The following ALOXE3 variants were observed in gnomAD, a reference collection of about 807,000 sequenced individuals.
ALOXE3 encodes arachidonate epidermal lipoxygenase 3.
Under a neutral mutation model 87.5 loss-of-function variants are expected in ALOXE3, and 78 were observed. The ratio of observed to expected loss-of-function variants is 0.89; its 90% CI spans 0.74 to 1.08. The LOEUF is 1.08. Among genes scored for constraint, ALOXE3 ranks in the 50% least tolerant of loss-of-function variants. ALOXE3 has a pLI of 0.00. For synonymous variants in ALOXE3, 363 were observed against 370.8 expected (o/e 0.98, Z 0.24); for missense variants, 946 against 912.4 (o/e 1.04, Z -0.47).
intron 13 of ALOXE3, among the ~76,000 whole-genome samples, chr17:8,104,893 C>T (rs1257796768): frequency 6.6e-6 from 1 of 151,958 alleles, no homozygotes; most frequent in Non-Finnish European, 1.5e-5. Flanking sequence ...TCATGCTGTG[C>T]CTCACTCATC....
At chr17:8,101,031 GTTT>G (rs57348893) in intron 15 of ALOXE3, among the ~76,000 whole-genome samples, 4 of 140,084 alleles carry the variant, frequency 2.9e-5, no homozygotes, top group East Asian at 2.0e-4. Context: ...CTTTTTTTTT[GTTT>G]TTTTTTTTTT....
chr17:8,109,674 G>A (rs1222012984), intron 11 of ALOXE3, among the ~76,000 whole-genome samples: 1 of 151,650 alleles, frequency 6.6e-6, no homozygotes, highest in African/African-American at 2.4e-5. Context: ...CGGGGCTGGG[G>A]GCGGTGGGCG....
At position 8,109,962 on chromosome 17, in the gene ALOXE3, G is replaced by T. The variant is rs575365103; in HGVS notation, c.1346C>A (p.Thr449Asn). ...GTTGAGCAGCGTGGCCCTCGCGATG[G>T]TGTTCACCTGCAGCGTGTATCGAGT... The part of the protein sequence containing the change: ...PHTRYTLQVN[T>N]IARATLLNPE... The change falls in exon 11 of 16, where the codon ACC (threonine) becomes AAC (asparagine). Residue 449 changes from threonine (T) to asparagine (N), a missense_variant. Transcript: ENST00000448843. The T allele has an allele frequency of 1.9e-6, 3 of 1,551,694 alleles. No homozygotes were observed. Among genetic ancestry groups the T allele is most frequent in the East Asian group, 4.9e-5 (2 of 40,926 alleles).
chr17:8,109,211 G>T lies in ALOXE3; in HGVS notation c.1525C>A (p.Arg509=). 1 of 1,613,946 alleles carries T rather than the reference G, an allele frequency of 6.2e-7. No individual in the cohort carries two copies. Residue 509 remains arginine (R), a synonymous_variant, in exon 12 of 16, where the codon CGA becomes AGA. Transcript: ENST00000448843. ...GCCCAGATCTTCAGGCCGTCGTCTCGGTAGTGGTAGTTGGGGATAGCCAGG... is the reference window on the plus strand; with the variant it reads ...GCCCAGATCTTCAGGCCGTCGTCTCTGTAGTGGTAGTTGGGGATAGCCAGG... ...GVLAIPNYHY[R]DDGLKIWAAI...
Position 8,111,547 on chromosome 17 carries a change from G to C in ALOXE3, c.785-16C>G, listed in dbSNP as rs375855589. 57 of 1,614,070 alleles carry C rather than the reference G, an allele frequency of 3.5e-5. No homozygotes were observed. In the African/African-American group the frequency reaches 5.9e-4, roughly 17 times the overall value. On this transcript the variant is annotated splice_polypyrimidine_tract_variant and intron_variant, in intron 7 of 15. Transcript: ENST00000448843. ...GTGACATACTCTGGGATACAAGAGA[G>C]GGGACCAGTTGGTCTAGAAACTACT...
At chr17:8,111,744 C>T (rs1980109028) in intron 7 of ALOXE3, among the ~76,000 whole-genome samples, 1 of 152,168 alleles carries the variant, frequency 6.6e-6, no homozygotes, top group Non-Finnish European at 1.5e-5. Flanking sequence ...ATTTGAGAAC[C>T]TAAGCCTTTC....
intron 15 of ALOXE3, among the ~76,000 whole-genome samples, chr17:8,101,750 A>G (rs1406690086): frequency 2.0e-5 from 3 of 151,664 alleles, no homozygotes; most frequent in Admixed American, 6.6e-5. Flanking sequence ...TGATCCTCCC[A>G]CTTTAGCTCC....
At chr17:8,103,280 G>T (rs1488693971) in intron 15 of ALOXE3, 43 bp downstream of exon 15, 1 of 1,609,264 alleles carries the variant, frequency 6.2e-7, no homozygotes, top group South Asian at 1.1e-5. Context: ...CCCTACTGGT[G>T]GCCCTAAAGA....
intron 3 of ALOXE3, 78 bp from the exon 4 acceptor site, chr17:8,115,766 G>T: frequency 2.1e-6 from 3 of 1,446,378 alleles, no homozygotes; most frequent in South Asian, 2.3e-5. Context: ...TGAACCCCCT[G>T]ACCCTTGAAC....
rs1424052854 is a variant in ALOXE3, at chr17:8,115,015, G to A, written c.477C>T (p.Val159=). 3.7e-6 allele frequency: 6 copies of A among 1,614,184 alleles called. No homozygotes were observed. Among genetic ancestry groups the A allele is most frequent in the African/African-American group, 2.7e-5 (2 of 75,052 alleles). The change falls in exon 5 of 16, where the codon GTC becomes GTT. Residue 159 remains valine (V), a synonymous_variant. Transcript: ENST00000448843. The part of the protein sequence containing the change: ...YAPGFPCMVD[V]NSFQEMESDK... ...CTGACTCCATCTCCTGAAAGCTGTT[G>A]ACGTCTACCATGCAGGGGAAGCCAG... is the stretch of plus-strand genomic sequence containing the variant.
In ALOXE3 at chr17:8,108,641, G is replaced by A. The variant is rs576023408; in HGVS notation, c.1563-52C>T. 7.5e-6 allele frequency: 12 copies of A among 1,595,864 alleles called. No homozygotes were observed. The African/African-American group carries it at 1.6e-4, about 21-fold the overall frequency. ...TGGAGTAACCACGGGCTCAGTCCTGGCCAGGAAACCGAGGCCCACTGCTGC... is the reference window on the plus strand; with the variant it reads ...TGGAGTAACCACGGGCTCAGTCCTGACCAGGAAACCGAGGCCCACTGCTGC... On this transcript the variant is annotated intron_variant, in intron 12 of 15. Coordinates refer to ENST00000448843, the MANE Select transcript of ALOXE3 (RefSeq NM_021628.3).
intron 13 of ALOXE3, among the ~76,000 whole-genome samples, chr17:8,107,763 C>T (rs1457197890): frequency 6.9e-6 from 1 of 145,154 alleles, no homozygotes; most frequent in Admixed American, 7.0e-5. Context: ...CGCGCCACTG[C>T]ACTCCAGCCT....
chr17:8,118,386 G>C (rs1213664970), intron 1 of ALOXE3, 83 bp from the exon 2 acceptor site: 9 of 1,551,186 alleles, frequency 5.8e-6, no homozygotes, highest in Non-Finnish European at 7.8e-6. Context: ...CGCCTGGTCA[G>C]CGGCCCGGAC....
Position 8,103,390 on chromosome 17 carries a change from G to T in ALOXE3, c.1889C>A (p.Pro630His). The T allele has an allele frequency of 6.2e-7, 1 of 1,614,132 alleles. No homozygotes were observed. The highest frequency in any genetic ancestry group is 8.5e-7 in the Non-Finnish European group (1 of 1,180,026). The part of the protein sequence containing the change: ...TTLKTYLDTL[P>H]EVNISCNNLL... The stretch of plus-strand genomic sequence containing the variant: ...GTTGTTACAGCTGATGTTCACTTCA[G>T]GGAGGGTGTCTAGGTAAGTCTTCAG... The change falls in exon 15 of 16, where the codon CCT becomes CAT. Residue 630 changes from proline to histidine, a missense_variant. Physicochemically the swap from Pro to His is moderately conservative, Grantham distance 77. Coordinates refer to ENST00000448843, the MANE Select transcript of ALOXE3 (RefSeq NM_021628.3).
chr17:8,110,089 G>A lies in ALOXE3; in HGVS notation c.1305+3C>T. ...CGCTGGGCCCCCACCCGGGGTCGCG[G>A]ACCTTGTAGATGGGGTGGCAGAGCG... On this transcript the variant is annotated splice_donor_region_variant and intron_variant, in intron 10 of 15. Coordinates refer to ENST00000448843, the MANE Select transcript of ALOXE3 (RefSeq NM_021628.3). 6.2e-7 allele frequency: 1 copy of A among 1,611,604 alleles called. No individual in the cohort carries two copies. The highest frequency in any genetic ancestry group is 8.5e-7 in the Non-Finnish European group (1 of 1,178,918).
Position 8,114,391 on chromosome 17 carries a change from C to T in ALOXE3, c.680+93G>A. 3 of 1,566,358 alleles carry T rather than the reference C, an allele frequency of 1.9e-6. No homozygotes were observed. The Admixed American group carries it at 5.1e-5, about 26-fold the overall frequency. ...GGGACTGGGGCAGGGAGAGGGGATA[C>T]TGGGAATAGGGAGAAGGGGCAGTCT... is the stretch of plus-strand genomic sequence containing the variant. On this transcript the variant is annotated intron_variant, in intron 6 of 15. Coordinates refer to ENST00000448843, the MANE Select transcript of ALOXE3 (RefSeq NM_021628.3).
chr17:8,109,081 C>T, intron 12 of ALOXE3, 93 bp downstream of exon 12: 16 of 1,557,044 alleles, frequency 1.0e-5, no homozygotes, highest in Non-Finnish European at 1.4e-5. Context: ...TGTGAAAACA[C>T]CTGAAATCCC....
chr17:8,108,887 G>A (rs1979746468), intron 12 of ALOXE3, among the ~76,000 whole-genome samples: 1 of 152,014 alleles, frequency 6.6e-6, no homozygotes, highest in African/African-American at 2.4e-5. Flanking sequence ...AGGAAGACCT[G>A]CCTGCCACAG....
rs374223561 is a variant in ALOXE3, at chr17:8,116,840, T to C, written c.288A>G (p.Val96=). 29 of 1,614,112 alleles carry C rather than the reference T, an allele frequency of 1.8e-5. No homozygotes were observed. The highest frequency in any genetic ancestry group is 2.1e-5 in the Non-Finnish European group (25 of 1,180,034). ...TCCACTGATAGCAGGGGAAGTGGGA[T>C]ACACTACCATCCGGTTCGGTGACAC... The part of the protein sequence containing the change: ...RICVTEPDGS[V]SHFPCYQWIE... Residue 96 remains valine, a synonymous_variant, in exon 3 of 16, where the codon GTA becomes GTG. Transcript: ENST00000448843.
Sources: allele counts gnomAD v4.1 joint callset (sites outside exome capture counted in the v4.1 genomes callset), GRCh38; gene constraint gnomAD v4.1.1; transcripts MANE v1.5; gene names NCBI Gene and HGNC (gene_info 2026-07-23, HGNC 2026-07-21).